Variants in OPCML observed in about 807,000 individuals in gnomAD.
OPCML encodes opioid-binding protein/cell adhesion molecule.
Under a neutral mutation model 37.8 loss-of-function variants are expected in OPCML, and 13 were observed. The observed-to-expected ratio is 0.34, with a 90% CI of 0.22 to 0.55. The LOEUF is 0.55. Ranked by LOEUF, OPCML falls within the 20% of genes least tolerant of loss-of-function variation. The probability of loss-of-function intolerance (pLI) is 0.91; values close to 1 mark genes in which losing one functional copy is unlikely to be tolerated. For synonymous variants in OPCML, 176 were observed against 168.8 expected, an observed-to-expected ratio of 1.04 and a Z score of -0.33; for missense variants, 341 against 435.6, an observed-to-expected ratio of 0.78 and a Z score of 1.93.
At chr11:132,608,802 C>T (rs928522010) in intron 3 of OPCML, among the ~76,000 whole-genome samples, 2 of 152,114 alleles carry the variant, frequency 1.3e-5, no homozygotes, top group Non-Finnish European at 2.9e-5. Flanking sequence ...AATAAATGCA[C>T]GCAATTACTC....
intron 2 of OPCML, among the ~76,000 whole-genome samples, chr11:132,840,841 GA>G (rs901136742): frequency 2.6e-5 from 4 of 152,052 alleles, no homozygotes; most frequent in Non-Finnish European, 5.9e-5. Flanking sequence ...TGAGGCCGCT[GA>G]AAAAAACCCC....
chr11:132,492,086 C>T (rs997087161), intron 4 of OPCML, among the ~76,000 whole-genome samples: 2 of 151,640 alleles, frequency 1.3e-5, no homozygotes, highest in Non-Finnish European at 2.9e-5. Context: ...GTGGCCAGGA[C>T]ATTAAGGGAG....
intron 1 of OPCML, among the ~76,000 whole-genome samples, chr11:133,523,622 T>A (rs946521403): frequency 6.6e-6 from 1 of 152,194 alleles, no homozygotes; most frequent in Non-Finnish European, 1.5e-5. Flanking sequence ...AGTTCCATTA[T>A]TTCTAGGATA....
intron 1 of OPCML, among the ~76,000 whole-genome samples, chr11:133,095,575 T>C (rs574565588): frequency 2.1e-4 from 31 of 146,406 alleles, no homozygotes; most frequent in African/African-American, 7.6e-4. Context: ...CTATTTAAAG[T>C]ATATCTAGTA....
chr11:132,879,676 A>G (rs904643888), intron 2 of OPCML, among the ~76,000 whole-genome samples: 3 of 152,230 alleles, frequency 2.0e-5, no homozygotes, highest in Admixed American at 6.5e-5. Context: ...GAGGAGAACT[A>G]TAAAGAAACT....
intron 1 of OPCML, among the ~76,000 whole-genome samples, chr11:133,233,691 T>G (rs996064198): frequency 6.6e-6 from 1 of 152,204 alleles, no homozygotes; most frequent in Non-Finnish European, 1.5e-5. Context: ...GTCTCAAGTC[T>G]AGCCACTTCA....
chr11:133,214,901 C>G (rs937695932), intron 1 of OPCML, among the ~76,000 whole-genome samples: 30 of 152,130 alleles, frequency 2.0e-4, no homozygotes, highest in Non-Finnish European at 4.4e-5. Flanking sequence ...ATATAGCCAG[C>G]AAATGAGGCA....
chr11:133,095,331 G>A (rs1383006479), intron 1 of OPCML, among the ~76,000 whole-genome samples: 1 of 128,038 alleles, frequency 7.8e-6, no homozygotes, highest in Non-Finnish European at 1.6e-5. Context: ...TTTGTTTAGG[G>A]TGAATATGAC....
At chr11:133,302,122 A>C (rs998279597) in intron 1 of OPCML, 2 of 152,194 alleles carry the variant, frequency 1.3e-5, no homozygotes, top group African/African-American at 4.8e-5. Context: ...ATTGTGAGCT[A>C]AGATAACTGC....
chr11:132,480,936 C>A (rs370749393), intron 4 of OPCML, among the ~76,000 whole-genome samples: 1 of 151,918 alleles, frequency 6.6e-6, no homozygotes, highest in Non-Finnish European at 1.5e-5. Context: ...TAAAGACCAT[C>A]GAGACTAGGA....
chr11:133,270,241 C>T (rs1941787265), intron 1 of OPCML, among the ~76,000 whole-genome samples: 1 of 152,172 alleles, frequency 6.6e-6, no homozygotes, highest in South Asian at 2.1e-4. Context: ...ATTCAGCACA[C>T]TGTGGAGTTC....
chr11:132,713,533 T>G (rs968957499), intron 2 of OPCML, among the ~76,000 whole-genome samples: 1 of 152,216 alleles, frequency 6.6e-6, no homozygotes, highest in African/African-American at 2.4e-5. Context: ...TATAGAAAAC[T>G]TCAAACCTAA....
chr11:132,622,759 C>A (rs3862598), intron 3 of OPCML, among the ~76,000 whole-genome samples: 2 of 152,104 alleles, frequency 1.3e-5, no homozygotes, highest in East Asian at 1.9e-4. Flanking sequence ...TACCACATTG[C>A]GCTTTGGAGG....
At chr11:132,614,839 G>A (rs1227424417) in intron 3 of OPCML, among the ~76,000 whole-genome samples, 5 of 152,176 alleles carry the variant, frequency 3.3e-5, no homozygotes, top group Admixed American at 6.5e-5. Flanking sequence ...AAGCTGGAAA[G>A]TCCAATAACA....
intron 1 of OPCML, among the ~76,000 whole-genome samples, chr11:133,519,364 G>A (rs771230629): frequency 3.3e-5 from 5 of 152,150 alleles, no homozygotes; most frequent in Non-Finnish European, 4.4e-5. Flanking sequence ...ATAAAGTCCA[G>A]CCATAGACCT....
chr11:133,470,689 T>G (rs1478605769), intron 1 of OPCML, among the ~76,000 whole-genome samples: 1 of 152,254 alleles, frequency 6.6e-6, no homozygotes. Flanking sequence ...GATCTTTCTA[T>G]TGCACTTTGT....
chr11:133,248,971 A>G (rs549830000), intron 1 of OPCML, among the ~76,000 whole-genome samples: 1 of 152,364 alleles, frequency 6.6e-6, no homozygotes, highest in South Asian at 2.1e-4. Flanking sequence ...GTGTCTTGCA[A>G]ACATGTCAGG....
chr11:133,502,843 C>T (rs1172013516), intron 1 of OPCML, among the ~76,000 whole-genome samples: 2 of 152,282 alleles, frequency 1.3e-5, no homozygotes, highest in East Asian at 3.9e-4. Flanking sequence ...GAGCCCCTCA[C>T]CTATGACAGA....
chr11:132,643,807 T>A (rs1273198199), intron 3 of OPCML, among the ~76,000 whole-genome samples: 3 of 152,170 alleles, frequency 2.0e-5, no homozygotes, highest in Non-Finnish European at 4.4e-5. Context: ...CTCAGTTTGG[T>A]CTGCGTTAGA....
Sources: allele counts gnomAD v4.1 joint callset (sites outside exome capture counted in the v4.1 genomes callset), GRCh38; gene constraint gnomAD v4.1.1; transcripts MANE v1.5; gene names NCBI Gene and HGNC (gene_info 2026-07-23, HGNC 2026-07-21).